ZNF606: variants seen among roughly 807,000 people sequenced by gnomAD.
ZNF606 encodes zinc finger protein 606.
ZNF606 carries 37 observed loss-of-function variants against 74.9 expected under a neutral mutation model. The observed-to-expected ratio is 0.49, with a 90% confidence interval of 0.38 to 0.65. ZNF606 has a LOEUF of 0.65. Ranked by LOEUF, ZNF606 falls within the 30% of genes least tolerant of loss-of-function variation. The probability of loss-of-function intolerance (pLI) is 0.00; values close to 1 mark genes in which losing one functional copy is unlikely to be tolerated. For synonymous variants in ZNF606, 328 were observed against 312.4 expected (o/e 1.05, Z -0.53); for missense variants, 852 against 952.9 (o/e 0.89, Z 1.39).
At chr19:57,997,988 G>C (rs3088169) in intron 4 of ZNF606, 105,365 of 152,026 alleles carry the variant, frequency 0.69, 36,634 homozygotes, top group South Asian at 0.73. Flanking sequence ...ACTTATGATG[G>C]ACTTCACCCA....
At chr19:57,981,008 C>G (rs181812466) in intron 6 of ZNF606, among the ~76,000 whole-genome samples, 1 of 152,228 alleles carries the variant, frequency 6.6e-6, no homozygotes, top group African/African-American at 2.4e-5. Flanking sequence ...TATTGAAGCA[C>G]ATTTACTTTT....
chr19:57,998,858 T>G (rs1350333875), intron 4 of ZNF606: 1 of 152,244 alleles, frequency 6.6e-6, no homozygotes, highest in African/African-American at 2.4e-5. Context: ...CCTGTCCCCA[T>G]AATCACAAAG....
rs1568586145 is a variant in ZNF606 at position 58,001,043 on chromosome 19, C to A, written c.31+246G>T. 5 of 550,376 alleles carry A rather than the reference C, an allele frequency of 9.1e-6. No individual in the cohort carries two copies. In the Admixed American group the frequency reaches 1.0e-4, roughly 11 times the overall value. The allele number at this position is 550,376 out of a possible 1,614,324, so 34.1% of individuals were successfully genotyped here. A position where few individuals can be genotyped will look rare whatever the true frequency, so the allele number is the denominator to read the frequency against. ...TATGTATCACTGTTGTTTAGGAAAC[C>A]CCACAAACCACCAGAAAAATCCCTT... On this transcript the variant is annotated intron_variant, in intron 2 of 6. Coordinates refer to ENST00000551380, the MANE Select transcript of ZNF606 (RefSeq NM_001348022.3).
intron 6 of ZNF606, among the ~76,000 whole-genome samples, chr19:57,982,083 A>T (rs1482061542): frequency 1.3e-5 from 2 of 152,202 alleles, no homozygotes; most frequent in African/African-American, 4.8e-5. Flanking sequence ...TTAAGGTAAC[A>T]CAAATTTATG....
intron 5 of ZNF606, 57 bp downstream of exon 5, chr19:57,988,538 C>A (rs2073200411): frequency 6.4e-7 from 1 of 1,571,276 alleles, no homozygotes; most frequent in South Asian, 1.2e-5. Context: ...AAACATGGAG[C>A]AGCTGAAGGC....
In ZNF606 at chr19:57,979,442, G is replaced by C; in HGVS notation, c.1238C>G (p.Ser413Cys). 2 of 1,614,114 alleles carry C rather than the reference G, an allele frequency of 1.2e-6. 1 individual carries two copies. The highest frequency in any genetic ancestry group is 2.2e-5 in the South Asian group (2 of 91,066). ...AGTTTTCTTATGTTGAATAAGGTAA[G>C]AGCTCCAGATGAAAGACGTCCCACA... The part of the protein sequence containing the change: ...NECGTSFIWS[S>C]YLIQHKKTHT... Residue 413 changes from serine to cysteine, a missense_variant, in exon 7 of 7, where the codon TCT becomes TGT. Transcript: ENST00000551380.
At position 57,979,037 on chromosome 19, in the gene ZNF606, G is replaced by A. The variant is rs374370957; in HGVS notation, c.1643C>T (p.Ala548Val). The A allele has an allele frequency of 1.2e-6, 2 of 1,613,898 alleles. No individual in the cohort carries two copies. Among genetic ancestry groups the A allele is most frequent in the African/African-American group, 2.7e-5 (2 of 74,912 alleles). The change falls in exon 7 of 7, where the codon GCT becomes GTT. Residue 548 changes from alanine to valine, a missense_variant. Physicochemically the swap from Ala to Val is moderately conservative, Grantham distance 64 (BLOSUM62 0). Coordinates refer to ENST00000551380, the MANE Select transcript of ZNF606 (RefSeq NM_001348022.3). ...KPFKCDECEK[A>V]FRDYSALSKH... ...ACTAAGGGCTGAGTAGTCCCTAAAA[G>A]CTTTTTCACATTCATCACATTTAAA...
At chr19:57,983,878 A>G (rs978100156) in intron 6 of ZNF606, among the ~76,000 whole-genome samples, 1 of 152,220 alleles carries the variant, frequency 6.6e-6, no homozygotes, top group Non-Finnish European at 1.5e-5. Flanking sequence ...CAATAGAAAA[A>G]ATAGAAGGTT....
Position 57,979,363 on chromosome 19 carries a change from AT to A in ZNF606, c.1316del (p.Asn439IlefsTer15). Reference protein sequence around the residue: ...ECDKCGKVFRNRSALTKHERT... With the variant: ...ECDKCGKVFRXRSALTKHERT... ...GTTCATGTTTCGTAAGGGCTGAGCG[AT>A]TCCTAAAAACTTTTCCACATTTATC... is the stretch of plus-strand genomic sequence containing the variant. On this transcript the variant is annotated frameshift_variant, in exon 7 of 7. Coordinates refer to ENST00000551380, the MANE Select transcript of ZNF606 (RefSeq NM_001348022.3). LOFTEE classifies it high-confidence loss of function. 6.2e-7 allele frequency: 1 copy of A among 1,612,830 alleles called. No homozygotes were observed.
intron 2 of ZNF606, 31 bp downstream of exon 2, chr19:58,001,258 G>T (rs45628537): frequency 0.072 from 116,443 of 1,610,532 alleles, 4,723 homozygotes; most frequent in Middle Eastern, 0.12. Context: ...AATGATAGGG[G>T]AGGCCCAGGA....
rs1348324561 is a variant in ZNF606, at chr19:57,988,860, G to A, written c.178-139C>T. 1.4e-5 allele frequency: 19 copies of A among 1,364,180 alleles called. No homozygotes were observed. The East Asian group carries it at 2.3e-4, about 17-fold the overall frequency. The allele number at this position is 1,364,180 out of a possible 1,614,324, so 84.5% of individuals were successfully genotyped here. On this transcript the variant is annotated intron_variant, in intron 4 of 6. Coordinates refer to ENST00000551380, the MANE Select transcript of ZNF606 (RefSeq NM_001348022.3). ...CTGGTTATTCAAGAGTCTGACTAAT[G>A]TGAGTCAGGTCTCATTGAGAACCAC...
intron 4 of ZNF606, chr19:57,999,057 C>T (rs1299761406): frequency 2.0e-5 from 3 of 152,484 alleles, no homozygotes; most frequent in Non-Finnish European, 4.4e-5. Context: ...CCTGGCCTCT[C>T]CAGCCTAAAA....
At chr19:57,989,748 C>T (rs560656549) in intron 4 of ZNF606, among the ~76,000 whole-genome samples, 11 of 151,562 alleles carry the variant, frequency 7.3e-5, no homozygotes, top group Non-Finnish European at 1.5e-4. Flanking sequence ...CACCCAGCTT[C>T]GAGTCCTTTT....
At chr19:57,987,541 GC>G (rs1345531813) in intron 6 of ZNF606, among the ~76,000 whole-genome samples, 1 of 152,012 alleles carries the variant, frequency 6.6e-6, no homozygotes, top group Non-Finnish European at 1.5e-5. Context: ...AAGAACAAAA[GC>G]CCAAGCCGGG....
chr19:58,000,730 G>A lies in ZNF606; in HGVS notation c.41C>T (p.Thr14Met), dbSNP rs140530843. 1.1e-3 allele frequency: 1,812 copies of A among 1,591,604 alleles called. 35 individuals carry two copies. The South Asian group carries it at 0.015, about 13-fold the overall frequency. Residue 14 changes from threonine to methionine, a missense_variant, in exon 3 of 7, where the codon ACG becomes ATG. By Grantham distance (81) the Thr-to-Met change is moderately conservative. Around this residue, in one of 3 missense-constraint regions of ZNF606, gnomAD observed 545 missense variants for 542.5 expected, o/e 1.00. Transcript: ENST00000551380. ...AGCTGTCATCCCCCAAGATTGGTCC[G>A]TAAGGGCACCTGCACAGAAGGATCA... The part of the protein sequence containing the change: ...INPWASWGAL[T>M]DQSWGMTAVD...
chr19:57,994,793 A>C (rs567874596), intron 4 of ZNF606, among the ~76,000 whole-genome samples: 1 of 152,338 alleles, frequency 6.6e-6, no homozygotes, highest in East Asian at 1.9e-4. Flanking sequence ...AAGTGTCGAC[A>C]AACATGCAGG....
At chr19:57,982,499 G>C (rs999722926) in intron 6 of ZNF606, among the ~76,000 whole-genome samples, 1 of 152,170 alleles carries the variant, frequency 6.6e-6, no homozygotes, top group African/African-American at 2.4e-5. Context: ...ATATCTTTGT[G>C]GGGGAAGTCA....
In ZNF606 at chr19:58,002,642, C is replaced by G; in HGVS notation, c.-298G>C. 2.2e-6 allele frequency: 1 copy of G among 453,296 alleles called. No homozygotes were observed. The highest frequency in any genetic ancestry group is 1.6e-5 in the South Asian group (1 of 64,368). 28.1% of individuals were successfully genotyped at this position (453,296 alleles called of 1,614,324 possible). A position where few individuals can be genotyped will look rare whatever the true frequency, so the allele number is the denominator to read the frequency against. ...GGAGGCAGGCTGCTGGCTGGAGAAC[C>G]GACGGCAACGACGGCGCAAAGCCGG... On this transcript the variant is annotated 5_prime_UTR_variant, in exon 1 of 7. Transcript: ENST00000551380.
At position 57,993,171 on chromosome 19, in the gene ZNF606, A is replaced by T. The variant is rs184451128; in HGVS notation, c.178-4450T>A. Among the ~76,000 whole-genome samples, 6 of 152,266 alleles carry T rather than the reference A, an allele frequency of 3.9e-5. No individual in the cohort carries two copies. In the East Asian group the frequency reaches 1.2e-3, roughly 29 times the overall value. On this transcript the variant is annotated intron_variant, in intron 4 of 6. Transcript: ENST00000551380. ...CTCCAGAAGAAACACAGCCCTGCAG[A>T]CCCATTTTAGACTTCTGAGCTGCAG...
Sources: allele counts gnomAD v4.1 joint callset (sites outside exome capture counted in the v4.1 genomes callset), GRCh38; gene constraint gnomAD v4.1.1; regional missense constraint gnomAD v4.1.1; transcripts MANE v1.5; gene names NCBI Gene and HGNC (gene_info 2026-07-23, HGNC 2026-07-21).